The following TRMT11 variants were observed in gnomAD, a reference collection of about 807,000 sequenced individuals.
TRMT11 encodes tRNA methyltransferase 11, also known as tRNA (guanine(10)-N(2))-methyltransferase TRMT11.
In TRMT11, 53 loss-of-function variants were observed where a neutral mutation model predicts 62.8. The observed-to-expected ratio is 0.84, with a 90% CI of 0.68 to 1.06. The LOEUF (loss-of-function observed/expected upper bound fraction) is 1.06. Ranked by LOEUF, TRMT11 falls within the 50% of genes least tolerant of loss-of-function variation. The pLI, the probability that TRMT11 is intolerant of heterozygous loss-of-function variation, is 0.00. For synonymous variants in TRMT11, 188 were observed against 190.3 expected, an observed-to-expected ratio of 0.99 and a Z score of 0.10; for missense variants, 556 against 553.4, an observed-to-expected ratio of 1.00 and a Z score of -0.05.
chr6:126,106,487 C>T (rs1777465840), intron 17 of TRMT11, among the ~76,000 whole-genome samples: 1 of 152,124 alleles, frequency 6.6e-6, no homozygotes, highest in African/African-American at 2.4e-5. Flanking sequence ...TTTGGCCTCA[C>T]TACTTCTCGC....
At chr6:126,075,534 C>G (rs1465997614) in intron 17 of TRMT11, among the ~76,000 whole-genome samples, 1 of 152,040 alleles carries the variant, frequency 6.6e-6, no homozygotes, top group African/African-American at 2.4e-5. Flanking sequence ...GCCTGCTTCC[C>G]CTTTGCCTTC....
intron 21 of TRMT11, among the ~76,000 whole-genome samples, chr6:126,131,498 C>G (rs1777781596): frequency 6.6e-6 from 1 of 152,032 alleles, no homozygotes; most frequent in Non-Finnish European, 1.5e-5. Context: ...CAACTCAACA[C>G]ATAAAGCTGC....
intron 21 of TRMT11, among the ~76,000 whole-genome samples, chr6:126,167,960 G>A (rs1778287535): frequency 6.6e-6 from 1 of 152,172 alleles, no homozygotes; most frequent in Non-Finnish European, 1.5e-5. Context: ...TTGGAAAGAG[G>A]AGGTTTTGGA....
At chr6:126,027,800 G>A (rs377732089) in intron 12 of TRMT11, among the ~76,000 whole-genome samples, 36 of 152,086 alleles carry the variant, frequency 2.4e-4, no homozygotes, top group Non-Finnish European at 4.1e-4. Flanking sequence ...AATGGAGTGT[G>A]GCCAAAACTG....
chr6:126,025,785 G>A (rs1267161904), intron 12 of TRMT11, among the ~76,000 whole-genome samples: 1 of 152,090 alleles, frequency 6.6e-6, no homozygotes, highest in Non-Finnish European at 1.5e-5. Flanking sequence ...TTACACTTTT[G>A]TATACTGTGT....
chr6:126,077,511 T>G (rs1246085158), intron 17 of TRMT11, among the ~76,000 whole-genome samples: 3 of 152,192 alleles, frequency 2.0e-5, no homozygotes, highest in Admixed American at 2.0e-4. Flanking sequence ...TTCTTTCATC[T>G]AATTCTGTCA....
At chr6:126,195,522 T>C (rs952872870) in intron 1 of TRMT11, among the ~76,000 whole-genome samples, 3 of 152,194 alleles carry the variant, frequency 2.0e-5, no homozygotes, top group Non-Finnish European at 1.5e-5. Context: ...GATGTAAACA[T>C]TCTGGCATTT....
At chr6:126,270,716 T>A in the TRMT11 span, among the ~76,000 whole-genome samples, 2 of 152,170 alleles carry the variant, frequency 1.3e-5, no homozygotes, top group South Asian at 4.1e-4. Flanking sequence ...ATAAAGAATA[T>A]TTTTTAAACA....
At chr6:125,998,949 GTTT>G (rs200462747) in intron 6 of TRMT11, among the ~76,000 whole-genome samples, 2 of 138,578 alleles carry the variant, frequency 1.4e-5, no homozygotes, top group African/African-American at 5.1e-5. Context: ...CATCTGGACT[GTTT>G]TTTTTTTTTT....
At chr6:126,241,137 C>G in the TRMT11 span, among the ~76,000 whole-genome samples, 6 of 152,228 alleles carry the variant, frequency 3.9e-5, no homozygotes, top group East Asian at 3.8e-4. Context: ...AAAGGGAATT[C>G]CCTGACCCCT....
intron 7 of TRMT11, among the ~76,000 whole-genome samples, chr6:126,002,006 C>G (rs1001971054): frequency 4.6e-5 from 7 of 152,108 alleles, no homozygotes; most frequent in Admixed American, 3.3e-4. Context: ...AGCTCTTTCA[C>G]ATTGAATCTG....
chr6:126,007,034 A>T (rs895047111), intron 7 of TRMT11: 2 of 152,050 alleles, frequency 1.3e-5, no homozygotes, highest in Non-Finnish European at 1.5e-5. Flanking sequence ...ATTCCAAGTC[A>T]TCACTTATGC....
chr6:126,204,976 A>G (rs1051152683), downstream of TRMT11, among the ~76,000 whole-genome samples: 23 of 152,244 alleles, frequency 1.5e-4, no homozygotes, highest in African/African-American at 5.5e-4. Flanking sequence ...CCTGTACAAT[A>G]CAGCCCTTTA....
chr6:126,101,322 AT>A lies in TRMT11; in HGVS notation c.*1438-11543del, dbSNP rs576286981. On this transcript the variant is annotated intron_variant and NMD_transcript_variant, in intron 17 of 22. Coordinates refer to the TRMT11 transcript ENST00000648977. ...ATTAATAATAACTTTGAAATTAATT[AT>A]ATATATTCCACTTGCAAAATGATTC... 1.8e-4 allele frequency among the ~76,000 whole-genome samples: 27 copies of A among 152,348 alleles called. No homozygotes were observed. In the East Asian group the frequency reaches 4.0e-3, roughly 23 times the overall value.
chr6:126,020,622 A>G (rs1039670034), intron 11 of TRMT11, among the ~76,000 whole-genome samples: 1 of 152,222 alleles, frequency 6.6e-6, no homozygotes, highest in African/African-American at 2.4e-5. Context: ...TATTTGAATA[A>G]TTTTACAAAT....
chr6:126,073,041 C>T (rs1776906350), intron 17 of TRMT11, among the ~76,000 whole-genome samples: 1 of 152,134 alleles, frequency 6.6e-6, no homozygotes, highest in South Asian at 2.1e-4. Context: ...TGAAATGATG[C>T]AATCTTTGGG....
At chr6:126,080,853 G>A (rs1165784641) in intron 17 of TRMT11, among the ~76,000 whole-genome samples, 4 of 152,106 alleles carry the variant, frequency 2.6e-5, no homozygotes, top group African/African-American at 9.7e-5. Context: ...TGTATAATGG[G>A]AATAGACATA....
At position 126,167,187 on chromosome 6, in the gene TRMT11, G is replaced by A. The variant is rs577882372; in HGVS notation, c.*1824-7638G>A. 1.2e-4 allele frequency among the ~76,000 whole-genome samples: 19 copies of A among 152,270 alleles called. No individual in the cohort carries two copies. In the South Asian group the frequency reaches 2.1e-3, roughly 17 times the overall value. ...TGAAAAAAACTCCTGCAGCTAGCTC[G>A]GTGTCTGCCCAAATGGCTGCCCAGT... On this transcript the variant is annotated intron_variant and NMD_transcript_variant, in intron 21 of 22. Transcript: ENST00000648977.
chr6:126,007,898 A>C (rs1392050698), intron 7 of TRMT11, among the ~76,000 whole-genome samples: 1 of 152,086 alleles, frequency 6.6e-6, no homozygotes, highest in East Asian at 1.9e-4. Flanking sequence ...CAAAAATTAA[A>C]ATATGTCCTA....
Sources: gnomAD v4.1 joint callset for allele counts (sites outside exome capture counted in the v4.1 genomes callset) on GRCh38, gnomAD v4.1.1 for gene constraint, MANE v1.5 for transcripts, NCBI Gene and HGNC (gene_info 2026-07-23, HGNC 2026-07-21) for gene names.